XKR4: variants seen among roughly 807,000 people sequenced by gnomAD.
XKR4 encodes XK-related protein 4.
In XKR4, 12 loss-of-function variants were observed where a neutral mutation model predicts 53.9. The ratio of observed to expected loss-of-function variants is 0.22; its 90% CI spans 0.14 to 0.36. XKR4 has a LOEUF of 0.36. Ranked by LOEUF, XKR4 falls within the 10% of genes least tolerant of loss-of-function variation. XKR4 has a pLI of 1.00. For missense variants in XKR4, 799 were observed against 859.5 expected (o/e 0.93, Z 0.88); for synonymous variants, 354 against 362.4 (o/e 0.98, Z 0.26).
At chr8:55,519,664 T>C (rs1489935855) in intron 2 of XKR4, among the ~76,000 whole-genome samples, 1 of 152,234 alleles carries the variant, frequency 6.6e-6, no homozygotes, top group Non-Finnish European at 1.5e-5. Context: ...TGGACATTGT[T>C]AATGTCAATT....
At chr8:55,209,885 C>T (rs918534751) in intron 1 of XKR4, among the ~76,000 whole-genome samples, 1 of 152,088 alleles carries the variant, frequency 6.6e-6, no homozygotes, top group Non-Finnish European at 1.5e-5. Context: ...TGATTTTGAA[C>T]GTATATTTTT....
chr8:55,512,220 G>A (rs1401653201), intron 2 of XKR4, among the ~76,000 whole-genome samples: 4 of 152,232 alleles, frequency 2.6e-5, no homozygotes, highest in South Asian at 2.1e-4. Context: ...GATAACTCCC[G>A]CCTCTGTCTG....
At chr8:55,376,897 T>C (rs2129386889) in intron 2 of XKR4, among the ~76,000 whole-genome samples, 1 of 151,950 alleles carries the variant, frequency 6.6e-6, no homozygotes, top group South Asian at 2.1e-4. Flanking sequence ...TCTCTCTGTC[T>C]CTCTGTCTCT....
chr8:55,139,144 C>T (rs891666788), intron 1 of XKR4, among the ~76,000 whole-genome samples: 1 of 152,192 alleles, frequency 6.6e-6, no homozygotes, highest in Admixed American at 6.5e-5. Context: ...AACTCTGTTT[C>T]ATCCTATTAA....
intron 1 of XKR4, among the ~76,000 whole-genome samples, chr8:55,344,009 C>T (rs891244331): frequency 6.6e-6 from 1 of 152,116 alleles, no homozygotes; most frequent in Non-Finnish European, 1.5e-5. Flanking sequence ...CTGTAAGCAT[C>T]GAAGCTCTTG....
Position 55,102,588 on chromosome 8 carries a change from T to C in XKR4, c.100T>C (p.Leu34=), listed in dbSNP as rs1226262461. ...NSDHSGSVQG[L]APGLPSGSGA... is the part of the protein sequence containing the mutation. ...GGACCACTCGGGCTCGGTGCAGGGA[T>C]TGGCTCCAGGCTTGCCGTCGGGGTC... Residue 34 remains leucine (L), a synonymous_variant, in exon 1 of 3, where the codon TTG becomes CTG. Transcript: ENST00000327381. The surrounding 1 kb of genome is among the most constrained non-coding windows in gnomAD (Gnocchi z 5.1). 13 of 1,516,700 alleles carry C rather than the reference T, an allele frequency of 8.6e-6. No individual in the cohort carries two copies. The highest frequency in any genetic ancestry group is 1.2e-5 in the Non-Finnish European group (13 of 1,127,424). The allele number at this position is 1,516,700 out of a possible 1,614,324, so 94.0% of individuals were successfully genotyped here.
rs373885487 is a variant in XKR4 at position 55,487,901 on chromosome 8, C to T, written c.1007-35380C>T. The stretch of plus-strand genomic sequence containing the variant: ...TAAAGCCAATAGCAGATAATAGTTC[C>T]GCTTAACATGATGCCACCATCCCAA... On this transcript the variant is annotated intron_variant, in intron 2 of 2. Transcript: ENST00000327381. 6.7e-4 allele frequency among the ~76,000 whole-genome samples: 102 copies of T among 152,258 alleles called. 3 individuals carry two copies. The South Asian group carries it at 0.019, about 28-fold the overall frequency.
chr8:55,459,919 C>T (rs1272888535), intron 2 of XKR4, among the ~76,000 whole-genome samples: 1 of 151,602 alleles, frequency 6.6e-6, no homozygotes. Flanking sequence ...TAATTCCATT[C>T]CCAGGTAACT....
intron 2 of XKR4, among the ~76,000 whole-genome samples, chr8:55,363,961 A>G (rs753141673): frequency 1.5e-4 from 23 of 152,374 alleles, no homozygotes; most frequent in Admixed American, 9.8e-4. Context: ...GTGACGCTAT[A>G]AACAACACGA....
intron 2 of XKR4, among the ~76,000 whole-genome samples, chr8:55,511,927 G>C (rs576456592): frequency 6.6e-6 from 1 of 152,164 alleles, no homozygotes; most frequent in African/African-American, 2.4e-5. Context: ...CAATCCCGGG[G>C]CATTGAAATG....
intron 1 of XKR4, among the ~76,000 whole-genome samples, chr8:55,227,816 G>A (rs1215487436): frequency 6.6e-6 from 1 of 152,222 alleles, no homozygotes; most frequent in Non-Finnish European, 1.5e-5. Context: ...GCTGTGCATG[G>A]GCATGACCAA....
At chr8:55,468,730 A>G (rs952776710) in intron 2 of XKR4, among the ~76,000 whole-genome samples, 11 of 152,142 alleles carry the variant, frequency 7.2e-5, no homozygotes, top group African/African-American at 2.7e-4. Flanking sequence ...TCATCTATAA[A>G]ACGAAAAAGT....
At chr8:55,458,158 A>G (rs1025995618) in intron 2 of XKR4, among the ~76,000 whole-genome samples, 2 of 152,252 alleles carry the variant, frequency 1.3e-5, no homozygotes, top group Non-Finnish European at 2.9e-5. Flanking sequence ...GGCAATGCAA[A>G]ATACTTAGAA....
intron 1 of XKR4, among the ~76,000 whole-genome samples, chr8:55,267,551 T>G (rs1188341385): frequency 6.6e-6 from 1 of 152,234 alleles, no homozygotes; most frequent in Non-Finnish European, 1.5e-5. Flanking sequence ...TAGAGTTGTA[T>G]GCTTGCAATC....
chr8:55,147,665 C>A (rs536731281), intron 1 of XKR4, among the ~76,000 whole-genome samples: 2 of 152,288 alleles, frequency 1.3e-5, no homozygotes, highest in East Asian at 3.9e-4. Context: ...TATTAGAGCA[C>A]TGGCATCGAG....
In XKR4 at chr8:55,424,690, G is replaced by A. The variant is rs115152548; in HGVS notation, c.1006+66813G>A. On this transcript the variant is annotated intron_variant, in intron 2 of 2. Transcript: ENST00000327381. ...CTCCTTGTGTGTAATTCACTTTGGG[G>A]AAGCTTTGACTCTTCTATTCACTGC... Among the ~76,000 whole-genome samples the A allele has an allele frequency of 4.1e-3, 625 of 152,332 alleles. 8 individuals carry two copies. Among genetic ancestry groups the A allele is most frequent in the African/African-American group, 0.014 (588 of 41,566 alleles).
intron 2 of XKR4, among the ~76,000 whole-genome samples, chr8:55,430,901 A>G (rs1805094302): frequency 6.6e-6 from 1 of 152,166 alleles, no homozygotes; most frequent in Admixed American, 6.5e-5. Flanking sequence ...CAGGCTTCAA[A>G]TAGAGTCACA....
chr8:55,343,607 G>T (rs1345005539), intron 1 of XKR4, among the ~76,000 whole-genome samples: 1 of 152,188 alleles, frequency 6.6e-6, no homozygotes, highest in African/African-American at 2.4e-5. Flanking sequence ...CCAGAATCTT[G>T]CTGCAGAGGG....
At chr8:55,394,039 C>T (rs1367678151) in intron 2 of XKR4, among the ~76,000 whole-genome samples, 1 of 152,118 alleles carries the variant, frequency 6.6e-6, no homozygotes, top group Non-Finnish European at 1.5e-5. Flanking sequence ...AAATGTAGAA[C>T]AAATGCAATA....
Sources: gnomAD v4.1 joint callset for allele counts (sites outside exome capture counted in the v4.1 genomes callset) on GRCh38, gnomAD v4.1.1 for gene constraint, Gnocchi (gnomAD v3.1) non-coding constraint, MANE v1.5 for transcripts, NCBI Gene and HGNC (gene_info 2026-07-23, HGNC 2026-07-21) for gene names.